The following HERC1 variants were observed in gnomAD, a reference collection of about 807,000 sequenced individuals.
The protein encoded by HERC1 is probable E3 ubiquitin-protein ligase HERC1.
In HERC1, 160 loss-of-function variants were observed where a neutral mutation model predicts 554.3. The observed-to-expected ratio is 0.29, with a 90% CI of 0.25 to 0.33. HERC1 has a LOEUF of 0.33. Among genes scored for constraint, HERC1 ranks in the 10% least tolerant of loss-of-function variants. The probability of loss-of-function intolerance (pLI) is 1.00; values close to 1 mark genes in which losing one functional copy is unlikely to be tolerated. For synonymous variants in HERC1, 2,175 were observed against 2,131.7 expected (o/e 1.02, Z -0.56); for missense variants, 4,919 against 5,918.5 (o/e 0.83, Z 5.54).
rs899548277 is a variant in HERC1 at position 63,692,561 on chromosome 15, G to A, written c.5680C>T (p.Leu1894Phe). The change falls in exon 31 of 78, where the codon CTT becomes TTT. Residue 1894 changes from leucine to phenylalanine, a missense_variant. This residue lies in a region of HERC1 where 1,121 missense variants were observed against 1,244.0 expected (regional missense o/e 0.90). Transcript: ENST00000443617. This position sits in a 1 kb window ranked among gnomAD's most constrained non-coding sequence, Gnocchi z 4.7. ...AGTTCGGCTGCATGTTGTTTCCTAA[G>A]AGCAGCTACAGTGAAGAGACAAGTT... ...ETEKKDFRAA[L>F]RKQHAAELHL... is the part of the protein sequence containing the mutation. The A allele has an allele frequency of 1.2e-6, 2 of 1,605,360 alleles. No homozygotes were observed. Among genetic ancestry groups the A allele is most frequent in the Non-Finnish European group, 8.5e-7 (1 of 1,177,084 alleles).
At chr15:63,672,814 C>T (rs1165272636) in intron 38 of HERC1, 120 bp from the exon 39 acceptor site, 10 of 674,344 alleles carry the variant, frequency 1.5e-5, no homozygotes, top group Admixed American at 5.9e-5. Context: ...TCACAAGCAT[C>T]AATTTCTATG....
chr15:63,774,844 T>C lies in HERC1; in HGVS notation c.780A>G (p.Ser260=), dbSNP rs748240143. The C allele has an allele frequency of 6.2e-6, 10 of 1,614,004 alleles. No homozygotes were observed. Among genetic ancestry groups the C allele is most frequent in the South Asian group, 3.3e-5 (3 of 91,080 alleles). Residue 260 remains serine (S), a synonymous_variant, in exon 2 of 78, where the codon TCA becomes TCG. Coordinates refer to ENST00000443617, the MANE Select transcript of HERC1 (RefSeq NM_003922.4). ...LLLGLAAQRG[S]LRYLLEWIEM... The stretch of plus-strand genomic sequence containing the variant: ...CTATCCATTCAAGAAGATATCGCAA[T>C]GAGCCTCGTTGAGCTGCCAAACCAA...
chr15:63,785,220 T>G (rs1044321911), intron 1 of HERC1, among the ~76,000 whole-genome samples: 15 of 152,042 alleles, frequency 9.9e-5, no homozygotes, highest in Admixed American at 9.2e-4. Context: ...GGCCAGGAGT[T>G]CAAGACCAGC....
rs115860661 is a variant in HERC1 at position 63,672,236 on chromosome 15, A to C, written c.8045+260T>G. 4.7e-3 allele frequency among the ~76,000 whole-genome samples: 715 copies of C among 152,336 alleles called. 10 individuals carry two copies. The highest frequency in any genetic ancestry group is 0.017 in the African/African-American group (687 of 41,568). On this transcript the variant is annotated intron_variant, in intron 39 of 77. Transcript: ENST00000443617. The stretch of plus-strand genomic sequence containing the variant: ...AAAAATTATCATCATAAGAGAGAGA[A>C]TGTTAGACTACTTGCTGGTCAGCAC...
At chr15:63,824,964 G>C (rs1396840068) in intron 1 of HERC1, among the ~76,000 whole-genome samples, 2 of 151,992 alleles carry the variant, frequency 1.3e-5, no homozygotes, top group East Asian at 1.9e-4. Flanking sequence ...GCAGGTCAAG[G>C]GAACAAAGTT....
At chr15:63,642,093 A>G (rs62012838) in intron 59 of HERC1, among the ~76,000 whole-genome samples, 22,047 of 152,134 alleles carry the variant, frequency 0.14, 2,161 homozygotes, top group Middle Eastern at 0.21. Context: ...ACCTTTCATG[A>G]AGGTTTACAG....
intron 34 of HERC1, among the ~76,000 whole-genome samples, chr15:63,684,868 G>C (rs1356859865): frequency 6.6e-6 from 1 of 152,140 alleles, no homozygotes; most frequent in African/African-American, 2.4e-5. Flanking sequence ...AATTAGCCAG[G>C]CGTGGTGGCA....
intron 1 of HERC1, among the ~76,000 whole-genome samples, chr15:63,814,347 A>G (rs1307838719): frequency 6.6e-6 from 1 of 151,270 alleles, no homozygotes; most frequent in Admixed American, 6.6e-5. Context: ...TGTGACCCAA[A>G]TCCTCATCTC....
At chr15:63,768,637 T>G (rs1037256023) in intron 2 of HERC1, among the ~76,000 whole-genome samples, 1 of 152,186 alleles carries the variant, frequency 6.6e-6, no homozygotes, top group African/African-American at 2.4e-5. Flanking sequence ...TGATGTACCT[T>G]TCTAGGAGCT....
Position 63,693,959 on chromosome 15 carries a change from A to C in HERC1, c.5674+5T>G. 6.5e-7 allele frequency: 1 copy of C among 1,550,266 alleles called. No individual in the cohort carries two copies. The highest frequency in any genetic ancestry group is 2.4e-5 in the East Asian group (1 of 40,920). On this transcript the variant is annotated splice_donor_5th_base_variant and intron_variant, in intron 30 of 77. Coordinates refer to ENST00000443617, the MANE Select transcript of HERC1 (RefSeq NM_003922.4). ...AGTAAAGACAGAGAAAGAGGCTTAC[A>C]TTACCTCTGAAATCTTTCTTCTCAG...
intron 12 of HERC1, among the ~76,000 whole-genome samples, chr15:63,736,760 C>T (rs1241177777): frequency 1.3e-5 from 2 of 152,150 alleles, no homozygotes; most frequent in Admixed American, 1.3e-4. Flanking sequence ...GCATGCGCCA[C>T]CATGCCCAGG....
chr15:63,633,012 GGGCAGA>G (rs1324224666), intron 67 of HERC1, among the ~76,000 whole-genome samples: 1 of 152,198 alleles, frequency 6.6e-6, no homozygotes, highest in Non-Finnish European at 1.5e-5. Context: ...GAGTGTGCAG[GGGCAGA>G]GGCAGTTTGA....
rs756823432 is a variant in HERC1 at position 63,698,910 on chromosome 15, A to T, written c.4723T>A (p.Ser1575Thr). Residue 1575 changes from serine to threonine, a missense_variant, in exon 26 of 78, where the codon TCC (serine) becomes ACC (threonine). Physicochemically the swap from Ser to Thr is moderately conservative, Grantham distance 58. Around this residue, in one of 11 missense-constraint regions of HERC1, gnomAD observed 1,121 missense variants for 1,244.0 expected, o/e 0.90. Coordinates refer to ENST00000443617, the MANE Select transcript of HERC1 (RefSeq NM_003922.4). ...GTAAGATCAAAATCTGACTCAAAGG[A>T]ATAGGAGGAGTTGCATAACCAGTCT... is the stretch of plus-strand genomic sequence containing the variant. ...SRDWLCNSSY[S>T]FESDFDLTKS... 6 of 1,613,792 alleles carry T rather than the reference A, an allele frequency of 3.7e-6. No homozygotes were observed. The African/African-American group carries it at 6.7e-5, about 18-fold the overall frequency.
chr15:63,706,840 A>G lies in HERC1; in HGVS notation c.4585-9T>C, dbSNP rs1483788121. ...ACATTTCGTCTGCCACTCTATTAAA[A>G]GTAAAAAGTAAATAAATAAAATTTA... is the stretch of plus-strand genomic sequence containing the variant. On this transcript the variant is annotated splice_polypyrimidine_tract_variant and intron_variant, in intron 24 of 77. Transcript: ENST00000443617. The G allele has an allele frequency of 1.3e-6, 2 of 1,507,802 alleles. No homozygotes were observed. Among genetic ancestry groups the G allele is most frequent in the Non-Finnish European group, 1.8e-6 (2 of 1,113,256 alleles). 93.4% of individuals were successfully genotyped at this position (1,507,802 alleles called of 1,614,324 possible). A position where few individuals can be genotyped will look rare whatever the true frequency, so the allele number is the denominator to read the frequency against.
intron 34 of HERC1, among the ~76,000 whole-genome samples, chr15:63,683,159 GA>G (rs1014970434): frequency 4.9e-5 from 7 of 143,104 alleles, no homozygotes; most frequent in East Asian, 2.0e-4. Flanking sequence ...AAAAAAGAAA[GA>G]AAAAAAATTA....
chr15:63,679,894 G>C (rs2071391938), intron 36 of HERC1, among the ~76,000 whole-genome samples, 183 bp downstream of exon 36: 1 of 152,188 alleles, frequency 6.6e-6, no homozygotes, highest in Non-Finnish European at 1.5e-5. Flanking sequence ...ACATGAAATA[G>C]TGCCTTAATA....
chr15:63,780,317 A>T (rs1303895616), intron 1 of HERC1: 3 of 152,186 alleles, frequency 2.0e-5, no homozygotes, highest in African/African-American at 7.2e-5. Flanking sequence ...TCATCTGGGT[A>T]AATCCATATA....
At chr15:63,829,316 G>A (rs1596341976) in intron 1 of HERC1, among the ~76,000 whole-genome samples, 1 of 151,506 alleles carries the variant, frequency 6.6e-6, no homozygotes, top group African/African-American at 2.4e-5. Context: ...CCAGCTACTT[G>A]GGAGGCTGAG....
intron 36 of HERC1, among the ~76,000 whole-genome samples, chr15:63,679,555 G>A (rs1231848006): frequency 6.6e-6 from 1 of 152,168 alleles, no homozygotes; most frequent in Non-Finnish European, 1.5e-5. Context: ...AGCACAGGGA[G>A]ATCACAAAGG....
Sources: gnomAD v4.1 joint callset for allele counts (sites outside exome capture counted in the v4.1 genomes callset) on GRCh38, gnomAD v4.1.1 for gene constraint, gnomAD v4.1.1 regional missense constraint, Gnocchi (gnomAD v3.1) non-coding constraint, MANE v1.5 for transcripts, NCBI Gene and HGNC (gene_info 2026-07-23, HGNC 2026-07-21) for gene names.